SMOC2: variants seen among roughly 807,000 people sequenced by gnomAD.
SMOC2 encodes SPARC-related modular calcium-binding protein 2.
SMOC2 carries 39 observed loss-of-function variants against 61.4 expected under a neutral mutation model. The ratio of observed to expected loss-of-function variants is 0.64; its 90% CI spans 0.49 to 0.83. SMOC2 has a LOEUF of 0.83. Ranked by LOEUF, SMOC2 falls within the 40% of genes least tolerant of loss-of-function variation. SMOC2 has a pLI of 0.00. For missense variants in SMOC2, 556 were observed against 592.9 expected (o/e 0.94, Z 0.65); for synonymous variants, 247 against 239.9 (o/e 1.03, Z -0.27).
chr6:168,602,516 G>A (rs1351417369), intron 8 of SMOC2, among the ~76,000 whole-genome samples: 3 of 152,146 alleles, frequency 2.0e-5, no homozygotes, highest in Non-Finnish European at 4.4e-5. Flanking sequence ...GAATATCACT[G>A]AACGCCCAGA....
At chr6:168,519,330 TC>T (rs1289919097) in intron 2 of SMOC2, among the ~76,000 whole-genome samples, 6 of 152,188 alleles carry the variant, frequency 3.9e-5, no homozygotes, top group African/African-American at 1.4e-4. Flanking sequence ...CAGGTGCTTA[TC>T]CCTGGCTCCA....
At chr6:168,649,017 A>G (rs1787122376) in intron 9 of SMOC2, among the ~76,000 whole-genome samples, 1 of 152,176 alleles carries the variant, frequency 6.6e-6, no homozygotes, top group African/African-American at 2.4e-5. Flanking sequence ...GGGTCTGAGA[A>G]TCACGTGTGG....
chr6:168,598,346 A>G (rs1785382734), intron 7 of SMOC2, among the ~76,000 whole-genome samples: 1 of 152,186 alleles, frequency 6.6e-6, no homozygotes, highest in Non-Finnish European at 1.5e-5. Flanking sequence ...GGGGTCACAC[A>G]GGGAGCCTCG....
At chr6:168,501,838 C>T (rs891475354) in intron 1 of SMOC2, among the ~76,000 whole-genome samples, 11 of 152,194 alleles carry the variant, frequency 7.2e-5, no homozygotes, top group Admixed American at 1.3e-4. Flanking sequence ...AAGGTGGGAG[C>T]GTCTCCAGGC....
chr6:168,516,035 G>T (rs1783125236), intron 2 of SMOC2, among the ~76,000 whole-genome samples: 1 of 152,198 alleles, frequency 6.6e-6, no homozygotes, highest in Non-Finnish European at 1.5e-5. Context: ...TGAGGCTGAG[G>T]CTGTCTTTAG....
intron 9 of SMOC2, among the ~76,000 whole-genome samples, chr6:168,612,776 T>A (rs538543904): frequency 6.6e-6 from 1 of 151,636 alleles, no homozygotes; most frequent in East Asian, 1.9e-4. Flanking sequence ...CGGCACAACC[T>A]TGTCAGAGAG....
Position 168,451,605 on chromosome 6 carries a change from C to G in SMOC2, c.84+10151C>G, listed in dbSNP as rs778585334. Among the ~76,000 whole-genome samples the G allele has an allele frequency of 2.6e-3, 219 of 82,886 alleles. 1 individual carries two copies. The highest frequency in any genetic ancestry group is 0.022 in the African/African-American group (203 of 9,434). 54.4% of individuals were successfully genotyped at this position (82,886 alleles called of 152,430 possible). A position where few individuals can be genotyped will look rare whatever the true frequency, so the allele number is the denominator to read the frequency against. On this transcript the variant is annotated intron_variant, in intron 1 of 12. Transcript: ENST00000356284. ...TCTGTCTCTCTCTGTCTCTGTCTCT[C>G]TCTCTCTCTCTCTCTCTCTCTCTCC...
chr6:168,570,245 A>G (rs1399573335), intron 7 of SMOC2, among the ~76,000 whole-genome samples: 1 of 152,160 alleles, frequency 6.6e-6, no homozygotes, highest in Non-Finnish European at 1.5e-5. Context: ...AGGTGACTAG[A>G]AAAAACGTCA....
At chr6:168,610,797 T>C (rs1269267639) in intron 9 of SMOC2, among the ~76,000 whole-genome samples, 2 of 152,194 alleles carry the variant, frequency 1.3e-5, no homozygotes, top group African/African-American at 2.4e-5. Context: ...AGGTCTGGCT[T>C]AAGGGGCTAC....
At position 168,535,803 on chromosome 6, in the gene SMOC2, A is replaced by G. The variant is rs1459202388; in HGVS notation, c.464-7822A>G. Among the ~76,000 whole-genome samples the G allele has an allele frequency of 2.0e-5, 3 of 152,172 alleles. No individual in the cohort carries two copies. Among genetic ancestry groups the G allele is most frequent in the South Asian group, 2.1e-4 (1 of 4,832 alleles). ...CCGGGGGAAGATGGGAGGGAGACCA[A>G]TGCGCAGTGACAGTGATCCTGGGGA... On this transcript the variant is annotated intron_variant, in intron 4 of 12. Transcript: ENST00000356284. The surrounding 1 kb of genome is among the most constrained non-coding windows in gnomAD (Gnocchi z 4.6).
intron 8 of SMOC2, among the ~76,000 whole-genome samples, chr6:168,604,791 C>G (rs1248178435): frequency 6.6e-6 from 1 of 152,164 alleles, no homozygotes; most frequent in Non-Finnish European, 1.5e-5. Context: ...GCAGACTCAT[C>G]CCAAGGACCA....
chr6:168,472,450 C>T lies in SMOC2; in HGVS notation c.84+30996C>T, dbSNP rs145397212. ...TCTTCCACTATCACCTGGCCATTGC[C>T]CAACACTGCAATTAACAATTTTTAA... On this transcript the variant is annotated intron_variant, in intron 1 of 12. Coordinates refer to ENST00000356284, the MANE Select transcript of SMOC2 (RefSeq NM_001166412.2). 2.0e-4 allele frequency among the ~76,000 whole-genome samples: 31 copies of T among 152,144 alleles called. No individual in the cohort carries two copies. In the East Asian group the frequency reaches 6.0e-3, roughly 29 times the overall value.
intron 2 of SMOC2, among the ~76,000 whole-genome samples, chr6:168,521,053 G>A (rs12524573): frequency 0.19 from 29,033 of 152,094 alleles, 2,962 homozygotes; most frequent in Admixed American, 0.25. Context: ...TTTGCTTTCC[G>A]TTTAAAAGAA....
At chr6:168,589,190 A>G (rs767428535) in intron 7 of SMOC2, among the ~76,000 whole-genome samples, 10 of 152,158 alleles carry the variant, frequency 6.6e-5, no homozygotes, top group Non-Finnish European at 1.2e-4. Context: ...TTTCTTTAAT[A>G]GTTAAGACCC....
intron 11 of SMOC2, among the ~76,000 whole-genome samples, chr6:168,659,685 G>A (rs374024081): frequency 1.8e-5 from 1 of 56,518 alleles, no homozygotes; most frequent in Non-Finnish European, 3.7e-5. Flanking sequence ...GGTGGAGGTT[G>A]TAGGTAGGGT....
chr6:168,570,548 C>T (rs1376945890), intron 7 of SMOC2, among the ~76,000 whole-genome samples: 1 of 152,100 alleles, frequency 6.6e-6, no homozygotes, highest in Non-Finnish European at 1.5e-5. Flanking sequence ...ATATATTTCA[C>T]CTCTTTTGAA....
intron 9 of SMOC2, among the ~76,000 whole-genome samples, chr6:168,639,108 A>G (rs1368592927): frequency 6.6e-6 from 1 of 152,238 alleles, no homozygotes; most frequent in Non-Finnish European, 1.5e-5. Flanking sequence ...TCAGAGGCTG[A>G]AATTGTCAGC....
At chr6:168,587,415 G>A (rs1173859439) in intron 7 of SMOC2, among the ~76,000 whole-genome samples, 3 of 152,198 alleles carry the variant, frequency 2.0e-5, no homozygotes, top group East Asian at 1.9e-4. Context: ...CAAGGTGGTC[G>A]GGGCACAGCT....
intron 9 of SMOC2, among the ~76,000 whole-genome samples, chr6:168,636,850 G>A (rs1256359676): frequency 2.5e-5 from 3 of 121,818 alleles, no homozygotes; most frequent in Admixed American, 8.4e-5. Context: ...TATGCCTCCT[G>A]CCTCCCTCCT....
Sources: gnomAD v4.1 joint callset for allele counts (sites outside exome capture counted in the v4.1 genomes callset) on GRCh38, gnomAD v4.1.1 for gene constraint, Gnocchi (gnomAD v3.1) non-coding constraint, MANE v1.5 for transcripts, NCBI Gene and HGNC (gene_info 2026-07-23, HGNC 2026-07-21) for gene names.